IGF2BP3: variants seen among roughly 807,000 people sequenced by gnomAD.
The protein encoded by IGF2BP3 is insulin-like growth factor 2 mRNA-binding protein 3.
Under a neutral mutation model 73.8 loss-of-function variants are expected in IGF2BP3, and 9 were observed. The observed-to-expected ratio is 0.12, with a 90% CI of 0.07 to 0.21. The LOEUF (loss-of-function observed/expected upper bound fraction) is 0.21. Among genes scored for constraint, IGF2BP3 ranks in the 10% least tolerant of loss-of-function variants. The pLI, the probability that IGF2BP3 is intolerant of heterozygous loss-of-function variation, is 1.00. For missense variants in IGF2BP3, 542 were observed against 714.0 expected (o/e 0.76, Z 2.75); for synonymous variants, 258 against 256.7 (o/e 1.01, Z -0.05).
chr7:23,445,542 G>A (rs1343826908), intron 2 of IGF2BP3, among the ~76,000 whole-genome samples: 1 of 152,014 alleles, frequency 6.6e-6, no homozygotes. Context: ...TAGTTCCTGT[G>A]GGTGTTTTGT....
At chr7:23,331,939 C>T (rs535152991) in intron 10 of IGF2BP3, among the ~76,000 whole-genome samples, 9 of 151,250 alleles carry the variant, frequency 6.0e-5, no homozygotes, top group East Asian at 3.9e-4. Context: ...ACAATCGTGG[C>T]GGAAGACAAA....
chr7:23,316,719 G>A (rs771169225), intron 12 of IGF2BP3, among the ~76,000 whole-genome samples: 84 of 148,366 alleles, frequency 5.7e-4, no homozygotes, highest in Non-Finnish European at 9.1e-4. Context: ...TACAGCTTAA[G>A]GTTAAATAGT....
chr7:23,382,013 T>C (rs1465351257), intron 3 of IGF2BP3, among the ~76,000 whole-genome samples: 1 of 152,118 alleles, frequency 6.6e-6, no homozygotes, highest in Non-Finnish European at 1.5e-5. Flanking sequence ...CCCAGCACCT[T>C]GGGAGGCTGA....
In IGF2BP3 at chr7:23,438,872, A is replaced by G. The variant is rs188835667; in HGVS notation, c.237-20048T>C. 6.6e-5 allele frequency among the ~76,000 whole-genome samples: 10 copies of G among 152,186 alleles called. No individual in the cohort carries two copies. In the East Asian group the frequency reaches 1.4e-3, roughly 21 times the overall value. On this transcript the variant is annotated intron_variant, in intron 2 of 14. Transcript: ENST00000258729. ...AATAAACTCATAAGACTGAGATGCT[A>G]AAAAAAATTTAACGATTCTACTTTC...
Position 23,351,441 on chromosome 7 carries a change from CCTGCCTTGAGGAGCCCCT to C in IGF2BP3, c.529_546del (p.Arg177_Gln182del), listed in dbSNP as rs1784958208. On this transcript the variant is annotated inframe_deletion, in exon 6 of 15. Transcript: ENST00000258729. ...TGCTTGGATACGGATCCTGGAGACC[CCTGCCTTGAGGAGCCCCT>C]CTGCCCAAGCCCCCGGCGACCTCGG... The C allele has an allele frequency of 1.2e-6, 2 of 1,613,482 alleles. No homozygotes were observed. Among genetic ancestry groups the C allele is most frequent in the Non-Finnish European group, 1.7e-6 (2 of 1,179,820 alleles).
intron 10 of IGF2BP3, among the ~76,000 whole-genome samples, chr7:23,334,871 C>T (rs989383256): frequency 1.3e-5 from 2 of 152,018 alleles, no homozygotes; most frequent in Non-Finnish European, 2.9e-5. Flanking sequence ...AAATCTAAGA[C>T]ATCACAAAGG....
At chr7:23,388,537 T>A (rs1786161859) in intron 3 of IGF2BP3, among the ~76,000 whole-genome samples, 2 of 151,074 alleles carry the variant, frequency 1.3e-5, no homozygotes, top group African/African-American at 4.9e-5. Context: ...GGAAAATAAA[T>A]CGGTTTCAAG....
At position 23,317,792 on chromosome 7, in the gene IGF2BP3, G is replaced by C. The variant is rs1014521885; in HGVS notation, c.1321-79C>G. On this transcript the variant is annotated intron_variant, in intron 11 of 14. Transcript: ENST00000258729. ...TCTTGGGCCAACCAGCCTAACATTT[G>C]CATGTGACTGGCTGAAATGCAGAAT... The C allele has an allele frequency of 2.4e-5, 26 of 1,098,716 alleles. No individual in the cohort carries two copies. The African/African-American group carries it at 3.5e-4, about 15-fold the overall frequency. 68.1% of individuals were successfully genotyped at this position (1,098,716 alleles called of 1,614,324 possible).
At chr7:23,390,729 T>C (rs1033444141) in intron 3 of IGF2BP3, among the ~76,000 whole-genome samples, 2 of 151,970 alleles carry the variant, frequency 1.3e-5, no homozygotes, top group Non-Finnish European at 2.9e-5. Context: ...CTGTACAGCA[T>C]ACAACTTTCG....
rs368749376 is a variant in IGF2BP3, at chr7:23,406,941, C to T, written c.285+11835G>A. Among the ~76,000 whole-genome samples, 24 of 152,228 alleles carry T rather than the reference C, an allele frequency of 1.6e-4. 1 individual carries two copies. Among genetic ancestry groups the T allele is most frequent in the Admixed American group, 9.8e-4 (15 of 15,304 alleles). On this transcript the variant is annotated intron_variant, in intron 3 of 14. Transcript: ENST00000258729. ...CCCACCTGACCCAGAAGCCCAGCCA[C>T]CTTCACCTCTCAAAATCATGGAGAC...
chr7:23,386,176 A>C (rs1049395917), intron 3 of IGF2BP3, among the ~76,000 whole-genome samples: 1 of 152,196 alleles, frequency 6.6e-6, no homozygotes, highest in Non-Finnish European at 1.5e-5. Flanking sequence ...TAAATGCTTA[A>C]AAATTATCCA....
intron 3 of IGF2BP3, among the ~76,000 whole-genome samples, chr7:23,401,752 G>C (rs1026503498): frequency 1.4e-5 from 2 of 139,188 alleles, no homozygotes; most frequent in Non-Finnish European, 3.1e-5. Flanking sequence ...GTTACAGAAC[G>C]AGACTCGTCT....
At chr7:23,468,450 C>A (rs1418632470) in intron 2 of IGF2BP3, 32 bp downstream of exon 2, 2 of 1,612,190 alleles carry the variant, frequency 1.2e-6, no homozygotes, top group Non-Finnish European at 1.7e-6. Context: ...GGAGTGAGAA[C>A]AGAATCGGGG....
chr7:23,351,490 C>T lies in IGF2BP3; in HGVS notation c.498G>A (p.Gln166=), dbSNP rs1387065027. The change falls in exon 6 of 15, where the codon CAG becomes CAA. Residue 166 remains glutamine, a synonymous_variant. Transcript: ENST00000258729. ...CAAGCCCCCGGCGACCTCGGGGCTG[C>T]TGCAAGGGGTTTTGCTGGGCGGCCA... ...DEMAAQQNPL[Q]QPRGRRGLGQ... is the part of the protein sequence containing the mutation. 1.2e-6 allele frequency: 2 copies of T among 1,614,058 alleles called. No homozygotes were observed. Among genetic ancestry groups the T allele is most frequent in the East Asian group, 2.2e-5 (1 of 44,872 alleles).
At chr7:23,417,962 T>G (rs1027004854) in intron 3 of IGF2BP3, among the ~76,000 whole-genome samples, 1 of 152,172 alleles carries the variant, frequency 6.6e-6, no homozygotes, top group Non-Finnish European at 1.5e-5. Context: ...TGTGACCAAC[T>G]GAGAAACCTT....
chr7:23,383,823 G>A (rs183864203), intron 3 of IGF2BP3, among the ~76,000 whole-genome samples: 119 of 152,190 alleles, frequency 7.8e-4, no homozygotes, highest in African/African-American at 2.5e-3. Context: ...GGAGCCGGGC[G>A]CGGTGGCTCA....
intron 2 of IGF2BP3, among the ~76,000 whole-genome samples, chr7:23,432,638 ATTTT>A (rs201185940): frequency 6.9e-6 from 1 of 144,530 alleles, no homozygotes. Context: ...TCATTTTTTA[ATTTT>A]TTTTTTTTTT....
At chr7:23,403,212 C>T (rs1320165061) in intron 3 of IGF2BP3, among the ~76,000 whole-genome samples, 1 of 152,262 alleles carries the variant, frequency 6.6e-6, no homozygotes, top group South Asian at 2.1e-4. Flanking sequence ...CTAGAGAAAA[C>T]CACTAAACTG....
At chr7:23,390,164 T>C (rs571114041) in intron 3 of IGF2BP3, among the ~76,000 whole-genome samples, 20 of 152,276 alleles carry the variant, frequency 1.3e-4, no homozygotes, top group East Asian at 3.9e-4. Context: ...TAAAGCAACA[T>C]AGAATTTCTA....
Sources: gnomAD v4.1 joint callset for allele counts (sites outside exome capture counted in the v4.1 genomes callset) on GRCh38, gnomAD v4.1.1 for gene constraint, MANE v1.5 for transcripts, NCBI Gene and HGNC (gene_info 2026-07-23, HGNC 2026-07-21) for gene names.